LRP6: variants seen among roughly 807,000 people sequenced by gnomAD.
The protein encoded by LRP6 is low-density lipoprotein receptor-related protein 6.
LRP6 carries 43 observed loss-of-function variants against 184.1 expected under a neutral mutation model. The observed-to-expected ratio is 0.23, with a 90% confidence interval of 0.18 to 0.30. The LOEUF is 0.30. Ranked by LOEUF, LRP6 falls within the 10% of genes least tolerant of loss-of-function variation. The pLI, the probability that LRP6 is intolerant of heterozygous loss-of-function variation, is 1.00. For missense variants in LRP6, 1,571 were observed against 2,005.3 expected, an observed-to-expected ratio of 0.78 and a Z score of 4.14; for synonymous variants, 719 against 684.9, an observed-to-expected ratio of 1.05 and a Z score of -0.78.
intron 7 of LRP6, among the ~76,000 whole-genome samples, chr12:12,172,049 C>T (rs532349874): frequency 3.9e-5 from 6 of 152,324 alleles, no homozygotes; most frequent in Non-Finnish European, 8.8e-5. Context: ...AAAGATTACA[C>T]TTATGCTTTA....
intron 2 of LRP6, among the ~76,000 whole-genome samples, chr12:12,229,492 T>C (rs935195114): frequency 6.6e-6 from 1 of 152,212 alleles, no homozygotes; most frequent in Non-Finnish European, 1.5e-5. Flanking sequence ...CTTCATTTTA[T>C]TTTAGACTCT....
At chr12:12,260,377 C>CA (rs34452498) in intron 1 of LRP6, among the ~76,000 whole-genome samples, 127 of 129,696 alleles carry the variant, frequency 9.8e-4, no homozygotes, top group South Asian at 1.7e-3. Flanking sequence ...GACTCCGTCT[C>CA]AAAAAAAAAA....
intron 7 of LRP6, among the ~76,000 whole-genome samples, chr12:12,173,163 A>C (rs1353327660): frequency 6.6e-6 from 1 of 152,182 alleles, no homozygotes; most frequent in African/African-American, 2.4e-5. Flanking sequence ...AGAGTTCCAG[A>C]TGAAGGCATC....
chr12:12,147,587 C>G (rs1181362333), intron 14 of LRP6, 31 bp from the exon 15 acceptor site: 1 of 1,527,508 alleles, frequency 6.5e-7, no homozygotes, highest in African/African-American at 1.4e-5. Flanking sequence ...AAATAAGTTA[C>G]TGGAGTAAGA....
intron 7 of LRP6, among the ~76,000 whole-genome samples, chr12:12,171,827 G>A (rs751145438): frequency 8.6e-5 from 13 of 152,026 alleles, no homozygotes; most frequent in African/African-American, 1.4e-4. Context: ...TTTTTCTACC[G>A]GGCACAAGTT....
intron 7 of LRP6, among the ~76,000 whole-genome samples, chr12:12,179,572 A>C (rs1863291333): frequency 6.6e-6 from 1 of 152,156 alleles, no homozygotes; most frequent in Non-Finnish European, 1.5e-5. Flanking sequence ...TAAGCTTTTA[A>C]GACTAGAAAC....
chr12:12,260,491 C>CA (rs938708498), intron 1 of LRP6, among the ~76,000 whole-genome samples: 18 of 151,812 alleles, frequency 1.2e-4, no homozygotes, highest in East Asian at 5.8e-4. Context: ...GCAGAAGAAT[C>CA]AAAAAAAATT....
intron 2 of LRP6, among the ~76,000 whole-genome samples, chr12:12,204,298 A>AG (rs1491247624): frequency 2.3e-5 from 3 of 130,310 alleles, no homozygotes; most frequent in South Asian, 2.6e-4. Flanking sequence ...AAAAAAAAAA[A>AG]GGAGGGGGGG....
intron 3 of LRP6, among the ~76,000 whole-genome samples, chr12:12,196,382 T>C (rs1409317306): frequency 6.6e-6 from 1 of 152,140 alleles, no homozygotes; most frequent in Non-Finnish European, 1.5e-5. Context: ...CATCAGTGTT[T>C]TGCAGCTTTA....
chr12:12,223,557 G>A (rs1048218659), intron 2 of LRP6, among the ~76,000 whole-genome samples: 3 of 152,028 alleles, frequency 2.0e-5, no homozygotes, highest in Non-Finnish European at 2.9e-5. Context: ...ATAGGTATGG[G>A]CCTAACACCC....
intron 2 of LRP6, among the ~76,000 whole-genome samples, chr12:12,225,088 C>G (rs1222595947): frequency 6.6e-6 from 1 of 152,082 alleles, no homozygotes; most frequent in African/African-American, 2.4e-5. Flanking sequence ...ACCTGTAATC[C>G]CAGCTACTTG....
Position 12,138,497 on chromosome 12 carries a change from C to A in LRP6, c.3435G>T (p.Leu1145Phe), listed in dbSNP as rs1565547041. Residue 1145 changes from leucine to phenylalanine, a missense_variant, in exon 16 of 23, where the codon TTG becomes TTT. Coordinates refer to ENST00000261349, the MANE Select transcript of LRP6 (RefSeq NM_002336.3). ...NRIVLEDSNI[L>F]QPVGLTVFEN... is the part of the protein sequence containing the mutation. ...CAAACACAGTAAGTCCCACAGGCTG[C>A]AAGATATTGGAGTCTTCTAATACTA... 1 of 1,614,076 alleles carries A rather than the reference C, an allele frequency of 6.2e-7. No homozygotes were observed. Among genetic ancestry groups the A allele is most frequent in the Non-Finnish European group, 8.5e-7 (1 of 1,179,986 alleles).
intron 9 of LRP6, 104 bp downstream of exon 9, chr12:12,164,169 G>A (rs915306164): frequency 7.9e-6 from 8 of 1,016,932 alleles, no homozygotes; most frequent in African/African-American, 1.6e-5. Flanking sequence ...GTTGAACTCT[G>A]CCTGTCAAAC....
chr12:12,161,880 G>A (rs573766738), intron 10 of LRP6, among the ~76,000 whole-genome samples: 1 of 152,112 alleles, frequency 6.6e-6, no homozygotes, highest in Admixed American at 6.5e-5. Flanking sequence ...CTGGGAAGGA[G>A]TGCAAGCAAC....
intron 3 of LRP6, chr12:12,187,377 T>A (rs938370746): frequency 4.1e-6 from 2 of 486,004 alleles, no homozygotes; most frequent in Non-Finnish European, 7.5e-6. Flanking sequence ...CAGTACAAGA[T>A]ACCCGGCAGA....
chr12:12,140,273 G>A (rs1488979015), intron 15 of LRP6, among the ~76,000 whole-genome samples: 4 of 151,708 alleles, frequency 2.6e-5, no homozygotes, highest in South Asian at 2.1e-4. Flanking sequence ...AAGAGCCCTT[G>A]GAAATTAAAA....
intron 7 of LRP6, among the ~76,000 whole-genome samples, chr12:12,176,430 C>T (rs1863184815): frequency 6.6e-6 from 1 of 152,192 alleles, no homozygotes; most frequent in African/African-American, 2.4e-5. Context: ...CCAAATACCA[C>T]AACCATCTTT....
At chr12:12,173,753 T>C (rs1409742856) in intron 7 of LRP6, among the ~76,000 whole-genome samples, 3 of 152,140 alleles carry the variant, frequency 2.0e-5, no homozygotes, top group Non-Finnish European at 2.9e-5. Flanking sequence ...TCCAAAGTGA[T>C]AGGATTACAA....
intron 12 of LRP6, chr12:12,155,127 C>T (rs139486122): frequency 1.8e-4 from 72 of 395,482 alleles, no homozygotes; most frequent in Non-Finnish European, 2.6e-4. Flanking sequence ...ACCTGGGAGG[C>T]GGATGTTGCA....
Sources: allele counts gnomAD v4.1 joint callset (sites outside exome capture counted in the v4.1 genomes callset), GRCh38; gene constraint gnomAD v4.1.1; transcripts MANE v1.5; gene names NCBI Gene and HGNC (gene_info 2026-07-23, HGNC 2026-07-21).